RGS8: variants seen among roughly 807,000 people sequenced by gnomAD.
RGS8 encodes regulator of G-protein signaling 8.
Under a neutral mutation model 21.7 loss-of-function variants are expected in RGS8, and 8 were observed. The observed-to-expected ratio is 0.37, with a 90% CI of 0.22 to 0.66. The LOEUF is 0.66. Among genes scored for constraint, RGS8 ranks in the 30% least tolerant of loss-of-function variants. The pLI, the probability that RGS8 is intolerant of heterozygous loss-of-function variation, is 0.59. For missense variants in RGS8, 157 were observed against 217.9 expected (o/e 0.72, Z 1.76); for synonymous variants, 80 against 83.6 (o/e 0.96, Z 0.24).
chr1:182,649,069 C>G (rs1034439156), intron 5 of RGS8, among the ~76,000 whole-genome samples: 2 of 152,100 alleles, frequency 1.3e-5, no homozygotes, highest in Admixed American at 6.5e-5. Flanking sequence ...CACTACACTC[C>G]AGCCTGGGCG....
the RGS8 span, among the ~76,000 whole-genome samples, chr1:182,716,736 T>A: frequency 6.5e-4 from 99 of 152,302 alleles, no homozygotes; most frequent in African/African-American, 2.3e-3. Flanking sequence ...CTCTTAGCTA[T>A]GATGCAATTT....
At chr1:182,750,409 T>C in the RGS8 span, among the ~76,000 whole-genome samples, 1 of 152,182 alleles carries the variant, frequency 6.6e-6, no homozygotes, top group Non-Finnish European at 1.5e-5. Flanking sequence ...TTACAGATGA[T>C]TTTTCTTTCT....
the RGS8 span, among the ~76,000 whole-genome samples, chr1:182,751,363 T>C: frequency 6.6e-6 from 1 of 152,226 alleles, no homozygotes; most frequent in Non-Finnish European, 1.5e-5. Flanking sequence ...CATTAACTCA[T>C]TCATTTATTT....
At chr1:182,704,039 A>G in the RGS8 span, among the ~76,000 whole-genome samples, 2 of 152,252 alleles carry the variant, frequency 1.3e-5, no homozygotes, top group Non-Finnish European at 2.9e-5. Context: ...ACATTTATGC[A>G]ATAAAGATTT....
At chr1:182,665,422 G>A (rs935391527) in intron 5 of RGS8, among the ~76,000 whole-genome samples, 2 of 152,206 alleles carry the variant, frequency 1.3e-5, no homozygotes, top group Non-Finnish European at 2.9e-5. Context: ...AAGGATAGCA[G>A]AAGTTGTATT....
chr1:182,746,542 C>A, the RGS8 span, among the ~76,000 whole-genome samples: 1 of 152,128 alleles, frequency 6.6e-6, no homozygotes, highest in Non-Finnish European at 1.5e-5. Context: ...TGGCTTATGC[C>A]TGTAATCCCA....
At chr1:182,654,039 G>C (rs1663147907) in intron 5 of RGS8, among the ~76,000 whole-genome samples, 1 of 152,148 alleles carries the variant, frequency 6.6e-6, no homozygotes, top group Non-Finnish European at 1.5e-5. Context: ...TTTTGCTCAG[G>C]ACTTTACAAA....
chr1:182,688,319 TTAGTAGA>T (rs1478927670), upstream of RGS8, among the ~76,000 whole-genome samples: 1 of 152,134 alleles, frequency 6.6e-6, no homozygotes, highest in Non-Finnish European at 1.5e-5. Context: ...TGCCTGTTAC[TTAGTAGA>T]TAGTACACAC....
chr1:182,652,758 C>T (rs1260481121), intron 5 of RGS8, among the ~76,000 whole-genome samples: 2 of 152,070 alleles, frequency 1.3e-5, no homozygotes, highest in Non-Finnish European at 2.9e-5. Flanking sequence ...GCAGAGGGGT[C>T]ATGAAGGACC....
chr1:182,731,737 A>G, the RGS8 span, among the ~76,000 whole-genome samples: 1 of 152,240 alleles, frequency 6.6e-6, no homozygotes, highest in East Asian at 1.9e-4. Context: ...CAAAATTTAG[A>G]AATCCTCAGA....
At chr1:182,740,996 T>C in the RGS8 span, among the ~76,000 whole-genome samples, 1 of 152,002 alleles carries the variant, frequency 6.6e-6, no homozygotes, top group Non-Finnish European at 1.5e-5. Flanking sequence ...CTCAATCTTT[T>C]CCCCACCTTT....
chr1:182,657,009 G>T (rs1256961690), intron 5 of RGS8, among the ~76,000 whole-genome samples: 1 of 152,144 alleles, frequency 6.6e-6, no homozygotes, highest in African/African-American at 2.4e-5. Flanking sequence ...GGTGGTAGAG[G>T]GCACTGCTGC....
At chr1:182,664,540 A>G (rs759522948) in intron 5 of RGS8, among the ~76,000 whole-genome samples, 3 of 152,344 alleles carry the variant, frequency 2.0e-5, no homozygotes, top group Non-Finnish European at 4.4e-5. Context: ...GAAGGCGTAC[A>G]TTGGTAGTGA....
intron 3 of RGS8, among the ~76,000 whole-genome samples, chr1:182,667,660 G>A (rs1663939002): frequency 6.6e-6 from 1 of 152,080 alleles, no homozygotes; most frequent in South Asian, 2.1e-4. Context: ...ATCTCAATAA[G>A]CATAATTAAA....
At chr1:182,751,507 G>A in the RGS8 span, among the ~76,000 whole-genome samples, 29 of 152,304 alleles carry the variant, frequency 1.9e-4, no homozygotes, top group East Asian at 4.8e-3. Context: ...CTGAACAGGA[G>A]GAGTGTGTGA....
intron 5 of RGS8, among the ~76,000 whole-genome samples, chr1:182,658,013 C>T (rs1301599905): frequency 6.6e-6 from 1 of 152,148 alleles, no homozygotes; most frequent in East Asian, 1.9e-4. Flanking sequence ...TTTCTTTGTA[C>T]GACCCTTCAA....
At chr1:182,717,264 C>A in the RGS8 span, among the ~76,000 whole-genome samples, 2 of 152,164 alleles carry the variant, frequency 1.3e-5, no homozygotes, top group East Asian at 3.8e-4. Flanking sequence ...GAAAACCATC[C>A]TCATCTTCAA....
At chr1:182,740,963 C>T in the RGS8 span, among the ~76,000 whole-genome samples, 2 of 152,154 alleles carry the variant, frequency 1.3e-5, no homozygotes, top group Admixed American at 1.3e-4. Context: ...TCTTTCTACA[C>T]AGACACGGCA....
At chr1:182,663,698 T>C (rs1452166115) in intron 5 of RGS8, among the ~76,000 whole-genome samples, 2 of 152,114 alleles carry the variant, frequency 1.3e-5, no homozygotes, top group African/African-American at 4.8e-5. Flanking sequence ...ACTCCACTAA[T>C]TTTTTATTTT....
Sources: gnomAD v4.1 joint callset for allele counts (sites outside exome capture counted in the v4.1 genomes callset) on GRCh38, gnomAD v4.1.1 for gene constraint, MANE v1.5 for transcripts, NCBI Gene and HGNC (gene_info 2026-07-23, HGNC 2026-07-21) for gene names.